The following SF3B3 variants were observed in gnomAD, a reference collection of about 807,000 sequenced individuals.
SF3B3 encodes splicing factor 3b subunit 3.
In SF3B3, 33 loss-of-function variants were observed where a neutral mutation model predicts 139.2. The observed-to-expected ratio is 0.24, with a 90% CI of 0.18 to 0.32. SF3B3 has a LOEUF of 0.32. Ranked by LOEUF, SF3B3 falls within the 10% of genes least tolerant of loss-of-function variation. The probability of loss-of-function intolerance (pLI) is 1.00; values close to 1 mark genes in which losing one functional copy is unlikely to be tolerated. For synonymous variants in SF3B3, 596 were observed against 563.6 expected (o/e 1.06, Z -0.81); for missense variants, 818 against 1,509.4 (o/e 0.54, Z 7.59).
chr16:70,529,751 T>G (rs2050102832), intron 3 of SF3B3, among the ~76,000 whole-genome samples: 1 of 152,170 alleles, frequency 6.6e-6, no homozygotes, highest in Non-Finnish European at 1.5e-5. Flanking sequence ...GGGGCCACAA[T>G]GATGCCATTG....
Position 70,531,006 on chromosome 16 carries a change from G to A in SF3B3, c.570+89G>A, listed in dbSNP as rs192175848. ...TTTCCGGCCGGGCGTGGTGGCTCAC[G>A]CCTGTAATCCCAGCACTTTGGGAGG... On this transcript the variant is annotated intron_variant, in intron 4 of 25. Transcript: ENST00000302516. 11 of 1,203,088 alleles carry A rather than the reference G, an allele frequency of 9.1e-6. No individual in the cohort carries two copies. In the East Asian group the frequency reaches 1.2e-4, roughly 13 times the overall value. The allele number at this position is 1,203,088 out of a possible 1,614,324, so 74.5% of individuals were successfully genotyped here. A position where few individuals can be genotyped will look rare whatever the true frequency, so the allele number is the denominator to read the frequency against.
chr16:70,529,542 TCTC>T (rs1221673418), intron 3 of SF3B3: 2 of 252,450 alleles, frequency 7.9e-6, no homozygotes, highest in Non-Finnish European at 1.5e-5. Context: ...TCATGTCTCT[TCTC>T]TGATAAATTC....
At chr16:70,556,400 A>G (rs1053967457) in intron 14 of SF3B3, 66 bp downstream of exon 14, 51 of 1,554,810 alleles carry the variant, frequency 3.3e-5, no homozygotes, top group Non-Finnish European at 4.1e-5. Context: ...CCTGATGTCT[A>G]TCTCTGAGAT....
At chr16:70,531,014 TC>T in intron 4 of SF3B3, 97 bp downstream of exon 4, 1 of 1,090,910 alleles carries the variant, frequency 9.2e-7, no homozygotes, top group Non-Finnish European at 1.3e-6. Flanking sequence ...ACGCCTGTAA[TC>T]CCAGCACTTT....
chr16:70,565,782 AAGC>A (rs1390930670), intron 20 of SF3B3: 2 of 380,816 alleles, frequency 5.3e-6, no homozygotes, highest in African/African-American at 4.0e-5. Context: ...CTGTTTTAAT[AAGC>A]AGGCAACAAT....
intron 23 of SF3B3, among the ~76,000 whole-genome samples, 183 bp downstream of exon 23, chr16:70,569,324 G>T (rs1488800545): frequency 6.6e-6 from 1 of 152,210 alleles, no homozygotes. Context: ...GTTTCTTAGA[G>T]AGAGTCCATT....
At chr16:70,524,396 A>G (rs766749346) in intron 1 of SF3B3, among the ~76,000 whole-genome samples, 7 of 152,242 alleles carry the variant, frequency 4.6e-5, no homozygotes, top group Non-Finnish European at 8.8e-5. Flanking sequence ...CGTTTGCGTA[A>G]TGGAGGACAG....
At chr16:70,548,788 C>T (rs1267918623) in intron 11 of SF3B3, among the ~76,000 whole-genome samples, 3 of 152,196 alleles carry the variant, frequency 2.0e-5, no homozygotes, top group African/African-American at 7.2e-5. Flanking sequence ...CTTTTTCATT[C>T]TTCTTCAACT....
At chr16:70,562,139 G>A (rs961682537) in intron 17 of SF3B3, among the ~76,000 whole-genome samples, 5 of 152,052 alleles carry the variant, frequency 3.3e-5, no homozygotes, top group South Asian at 2.1e-4. Context: ...TGTCATTTGC[G>A]GTATTAAATC....
chr16:70,556,977 A>C lies in SF3B3; in HGVS notation c.1958A>C (p.Glu653Ala). 6.2e-7 allele frequency: 1 copy of C among 1,614,064 alleles called. No individual in the cohort carries two copies. Among genetic ancestry groups the C allele is most frequent in the Non-Finnish European group, 8.5e-7 (1 of 1,179,986 alleles). Residue 653 changes from glutamate to alanine, a missense_variant, in exon 15 of 26, where the codon GAG (glutamate) becomes GCG (alanine). This residue lies in a region of SF3B3 where 170 missense variants were observed against 353.0 expected (regional missense o/e 0.48). Coordinates refer to ENST00000302516, the MANE Select transcript of SF3B3 (RefSeq NM_012426.5). ...VEMGGTEKQD[E>A]LGERGSIGFL... The stretch of plus-strand genomic sequence containing the variant: ...ATGGGTGGGACTGAGAAGCAGGATG[A>C]GCTGGGTGAGAGGGGCTCGATTGGC...
chr16:70,555,138 G>A lies in SF3B3; in HGVS notation c.1642G>A (p.Ala548Thr). ...TGGAAAGAAAACAATTGTGAAGTGT[G>A]CAGTGAACCAGCGACAAGTGGTGAT... ...TPGKKTIVKCAVNQRQVVIAL... is the reference protein window; with the variant it reads ...TPGKKTIVKCTVNQRQVVIAL... Residue 548 changes from alanine (A) to threonine (T), a missense_variant, in exon 13 of 26, where the codon GCA (alanine) becomes ACA (threonine). By Grantham distance (58) the Ala-to-Thr change is moderately conservative. Coordinates refer to ENST00000302516, the MANE Select transcript of SF3B3 (RefSeq NM_012426.5). 6.2e-7 allele frequency: 1 copy of A among 1,614,148 alleles called. No individual in the cohort carries two copies. Among genetic ancestry groups the A allele is most frequent in the Non-Finnish European group, 8.5e-7 (1 of 1,179,960 alleles).
At chr16:70,531,086 G>A (rs1361710743) in intron 4 of SF3B3, among the ~76,000 whole-genome samples, 169 bp downstream of exon 4, 1 of 152,008 alleles carries the variant, frequency 6.6e-6, no homozygotes. Context: ...CTAACACAGT[G>A]AAACCCCATC....
At chr16:70,525,570 C>T (rs2050053989) in intron 1 of SF3B3, among the ~76,000 whole-genome samples, 1 of 152,156 alleles carries the variant, frequency 6.6e-6, no homozygotes, top group Non-Finnish European at 1.5e-5. Context: ...CAGCTCCTAG[C>T]TTCCTCTCTT....
Position 70,567,418 on chromosome 16 carries a change from T to C in SF3B3, c.2834T>C (p.Val945Ala). Residue 945 changes from valine (V) to alanine (A), a missense_variant, in exon 21 of 26, where the codon GTG (valine) becomes GCG (alanine). This residue lies in a region of SF3B3 where 145 missense variants were observed against 153.6 expected (regional missense o/e 0.94). Coordinates refer to ENST00000302516, the MANE Select transcript of SF3B3 (RefSeq NM_012426.5). ...EKLEFLHKTP[V>A]EEVPAAIAPF... ...CCTGCTTTTCCTCTATAGACTCCTG[T>C]GGAAGAGGTCCCTGCTGCTATTGCC... The C allele has an allele frequency of 1.2e-6, 2 of 1,613,632 alleles. No individual in the cohort carries two copies. The highest frequency in any genetic ancestry group is 1.7e-6 in the Non-Finnish European group (2 of 1,179,844).
chr16:70,575,203 T>TC lies in SF3B3; in HGVS notation c.*3390_*3391insC, dbSNP rs1216108879. 2.8e-5 allele frequency: 4 copies of TC among 142,482 alleles called. No individual in the cohort carries two copies. Among genetic ancestry groups the TC allele is most frequent in the South Asian group, 4.6e-4 (2 of 4,326 alleles). The allele number at this position is 142,482 out of a possible 1,614,324, so 8.8% of individuals were successfully genotyped here. On this transcript the variant is annotated 3_prime_UTR_variant, in exon 26 of 26. Coordinates refer to ENST00000302516, the MANE Select transcript of SF3B3 (RefSeq NM_012426.5). ...TTTCTTTTTCTTTTTTTTCTTTTTT[T>TC]TTTTTTTTTTTTTGAGATGAAGTCT...
intron 10 of SF3B3, among the ~76,000 whole-genome samples, chr16:70,544,807 C>T (rs1392301828): frequency 2.0e-5 from 3 of 151,642 alleles, no homozygotes. Context: ...TATTCTGCCT[C>T]AGCCTCCCAA....
rs1473938487 is a variant in SF3B3, at chr16:70,571,045, G to A, written c.3409-50G>A. ...GTTCGTTGTGCTTGTGGAAACTCTA[G>A]ACTAGTTGAAATCACTTCTCAGTGA... On this transcript the variant is annotated intron_variant, in intron 24 of 25. Coordinates refer to ENST00000302516, the MANE Select transcript of SF3B3 (RefSeq NM_012426.5). 2.4e-6 allele frequency: 3 copies of A among 1,250,932 alleles called. No individual in the cohort carries two copies. The East Asian group carries it at 7.0e-5, about 29-fold the overall frequency. The allele number at this position is 1,250,932 out of a possible 1,614,324, so 77.5% of individuals were successfully genotyped here.
chr16:70,562,025 C>T (rs963804250), intron 17 of SF3B3, among the ~76,000 whole-genome samples: 5 of 152,172 alleles, frequency 3.3e-5, no homozygotes, highest in African/African-American at 1.2e-4. Context: ...GTCCAATCTT[C>T]CTGAGATTTC....
intron 7 of SF3B3, 60 bp downstream of exon 7, chr16:70,538,520 G>GT: frequency 7.1e-7 from 1 of 1,408,888 alleles, no homozygotes. Flanking sequence ...GGCAAGACAG[G>GT]TAATACTTTA....
Sources: gnomAD v4.1 joint callset for allele counts (sites outside exome capture counted in the v4.1 genomes callset) on GRCh38, gnomAD v4.1.1 for gene constraint, gnomAD v4.1.1 regional missense constraint, MANE v1.5 for transcripts, NCBI Gene and HGNC (gene_info 2026-07-23, HGNC 2026-07-21) for gene names.